TMED3: variants seen among roughly 807,000 people sequenced by gnomAD.
TMED3 encodes transmembrane emp24 domain-containing protein 3.
TMED3 carries 9 observed loss-of-function variants against 15.0 expected under a neutral mutation model. The observed-to-expected ratio is 0.60, with a 90% confidence interval of 0.36 to 1.04. The LOEUF (loss-of-function observed/expected upper bound fraction) is 1.04, where lower values mean the gene tolerates loss of function less well. TMED3 is among the 50% of genes least tolerant of loss of function. The probability of loss-of-function intolerance (pLI) is 0.01; values close to 1 mark genes in which losing one functional copy is unlikely to be tolerated. For missense variants in TMED3, 267 were observed against 278.9 expected (o/e 0.96, Z 0.30); for synonymous variants, 117 against 121.4 (o/e 0.96, Z 0.24).
At chr15:79,313,702 A>G (rs2058727379) in intron 1 of TMED3, 55 bp from the exon 2 acceptor site, 3 of 1,574,406 alleles carry the variant, frequency 1.9e-6, no homozygotes, top group Non-Finnish European at 1.7e-6. Flanking sequence ...TCTGGTTGGC[A>G]TTTGGTAAGT....
intron 2 of TMED3, among the ~76,000 whole-genome samples, chr15:79,335,045 A>C: frequency 6.6e-6 from 1 of 152,200 alleles, no homozygotes; most frequent in East Asian, 1.9e-4. Context: ...GAAAACAAAA[A>C]GAACAAAAAG....
At chr15:79,311,882 G>A (rs1024644679) in intron 1 of TMED3, among the ~76,000 whole-genome samples, 1 of 152,250 alleles carries the variant, frequency 6.6e-6, no homozygotes. Context: ...TAAAGTTGGA[G>A]TGAGGTGAGG....
intron 2 of TMED3, among the ~76,000 whole-genome samples, chr15:79,366,691 G>A (rs1893243272): frequency 1.3e-5 from 2 of 152,160 alleles, no homozygotes; most frequent in Admixed American, 1.3e-4. Flanking sequence ...GGAAAAGCTG[G>A]CCATTTAGAT....
At chr15:79,397,291 T>A (rs1202994768) in intron 2 of TMED3, among the ~76,000 whole-genome samples, 1 of 152,154 alleles carries the variant, frequency 6.6e-6, no homozygotes, top group Admixed American at 6.5e-5. Flanking sequence ...GAAGAAAGAG[T>A]TTTCTTCTGA....
At chr15:79,361,083 G>A (rs1893120354) in intron 2 of TMED3, among the ~76,000 whole-genome samples, 2 of 152,102 alleles carry the variant, frequency 1.3e-5, no homozygotes, top group Admixed American at 1.3e-4. Flanking sequence ...GGCTGGTCTT[G>A]TACTTCTGGC....
At chr15:79,369,304 C>T (rs1459977830) in intron 2 of TMED3, among the ~76,000 whole-genome samples, 2 of 152,168 alleles carry the variant, frequency 1.3e-5, no homozygotes, top group Non-Finnish European at 2.9e-5. Flanking sequence ...ATGCCTGCTA[C>T]TCTCTCCTAC....
At chr15:79,359,507 C>A (rs892513425) in intron 2 of TMED3, among the ~76,000 whole-genome samples, 1 of 152,070 alleles carries the variant, frequency 6.6e-6, no homozygotes, top group African/African-American at 2.4e-5. Flanking sequence ...GGATTACAGG[C>A]ATGAGCCACT....
chr15:79,387,794 T>A (rs772112054), intron 2 of TMED3, among the ~76,000 whole-genome samples: 1 of 152,210 alleles, frequency 6.6e-6, no homozygotes, highest in African/African-American at 2.4e-5. Context: ...TTTCTGTTCA[T>A]GTGAGTTTAT....
chr15:79,358,958 A>G (rs1467563933), intron 2 of TMED3, among the ~76,000 whole-genome samples: 1 of 152,146 alleles, frequency 6.6e-6, no homozygotes, highest in Non-Finnish European at 1.5e-5. Context: ...GGGGATGGGA[A>G]GGGGCTTTTT....
intron 2 of TMED3, among the ~76,000 whole-genome samples, chr15:79,370,726 C>T (rs554836723): frequency 6.6e-6 from 1 of 152,304 alleles, no homozygotes; most frequent in African/African-American, 2.4e-5. Context: ...CAATGATATA[C>T]TGCTGGAACC....
At chr15:79,314,043 C>CT in intron 2 of TMED3, 38 bp downstream of exon 2, 1 of 1,606,698 alleles carries the variant, frequency 6.2e-7, no homozygotes, top group Non-Finnish European at 8.5e-7. Context: ...GCTGAACCCC[C>CT]TAGCGTGTTC....
intron 2 of TMED3, among the ~76,000 whole-genome samples, chr15:79,374,245 G>A (rs1893390590): frequency 6.6e-6 from 1 of 152,158 alleles, no homozygotes; most frequent in African/African-American, 2.4e-5. Flanking sequence ...AGTCAGGTTG[G>A]AATTTGGTAT....
Position 79,322,529 on chromosome 15 carries a change from G to A in TMED3, c.*315G>A. ...GCCTGGCTGTTGGCAGGAACTCCAA[G>A]TGCCCAGGCCTCTTGGGCAGCTTAG... On this transcript the variant is annotated 3_prime_UTR_variant, in exon 3 of 3. Transcript: ENST00000299705. The A allele has an allele frequency of 1.7e-6, 2 of 1,181,658 alleles. No homozygotes were observed. The highest frequency in any genetic ancestry group is 4.7e-5 in the East Asian group (1 of 21,060). The allele number at this position is 1,181,658 out of a possible 1,614,324, so 73.2% of individuals were successfully genotyped here.
chr15:79,339,959 C>G (rs2058845531), intron 2 of TMED3, among the ~76,000 whole-genome samples: 1 of 151,646 alleles, frequency 6.6e-6, no homozygotes. Context: ...GACCTCTGAT[C>G]TAGCTCTGAG....
chr15:79,401,083 G>A (rs1567040595), intron 2 of TMED3, among the ~76,000 whole-genome samples: 1 of 152,072 alleles, frequency 6.6e-6, no homozygotes, highest in South Asian at 2.1e-4. Flanking sequence ...CCATACCATG[G>A]GGAGTGACTA....
rs201119604 is a variant in TMED3 at position 79,372,854 on chromosome 15, T to G, written c.418-38546T>G. On this transcript the variant is annotated intron_variant, in intron 2 of 2. Coordinates refer to the TMED3 transcript ENST00000424155. The stretch of plus-strand genomic sequence containing the variant: ...TGAACAGAATCCTTTAGAATTCTCC[T>G]TTCTTATCAGTGCCCCTTCTATACC... 8.5e-5 allele frequency among the ~76,000 whole-genome samples: 13 copies of G among 152,350 alleles called. No individual in the cohort carries two copies. The East Asian group carries it at 2.5e-3, about 29-fold the overall frequency.
downstream of TMED3, among the ~76,000 whole-genome samples, chr15:79,323,172 C>T (rs530146180): frequency 1.4e-4 from 22 of 152,334 alleles, no homozygotes; most frequent in African/African-American, 5.3e-4. Context: ...TCCCTCCCAA[C>T]CACTCTTCAA....
intron 2 of TMED3, among the ~76,000 whole-genome samples, chr15:79,396,577 G>A (rs1011707465): frequency 6.6e-6 from 1 of 152,210 alleles, no homozygotes; most frequent in African/African-American, 2.4e-5. Context: ...GGGCTCCAGT[G>A]TAAGTGTTCC....
chr15:79,398,548 A>G (rs1414223095), intron 2 of TMED3, among the ~76,000 whole-genome samples: 2 of 150,118 alleles, frequency 1.3e-5, no homozygotes, highest in Non-Finnish European at 3.0e-5. Context: ...AGGCCTGAGA[A>G]CGGGAAGCTG....
Sources: allele counts gnomAD v4.1 joint callset (sites outside exome capture counted in the v4.1 genomes callset), GRCh38; gene constraint gnomAD v4.1.1; transcripts MANE v1.5; gene names NCBI Gene and HGNC (gene_info 2026-07-23, HGNC 2026-07-21).